RIMKLB: variants seen among roughly 807,000 people sequenced by gnomAD.
The protein encoded by RIMKLB is beta-citrylglutamate synthase B.
RIMKLB carries 7 observed loss-of-function variants against 32.0 expected under a neutral mutation model. That is an observed-to-expected ratio of 0.22 (90% CI 0.12 to 0.41). The LOEUF (loss-of-function observed/expected upper bound fraction) is 0.41, where lower values mean the gene tolerates loss of function less well. RIMKLB is among the 10% of genes least tolerant of loss of function. The pLI is 1.00. For synonymous variants in RIMKLB, 172 were observed against 185.1 expected, an observed-to-expected ratio of 0.93 and a Z score of 0.57; for missense variants, 289 against 498.7, an observed-to-expected ratio of 0.58 and a Z score of 4.00.
rs147350916 is a variant in RIMKLB, at chr12:8,728,789, TTTTGTTTG to T, written c.175+14768_175+14775del. Among the ~76,000 whole-genome samples, 51 of 131,906 alleles carry T rather than the reference TTTTGTTTG, an allele frequency of 3.9e-4. 1 individual carries two copies. In the South Asian group the frequency reaches 6.0e-3, roughly 16 times the overall value. The allele number at this position is 131,906 out of a possible 152,430, so 86.5% of individuals were successfully genotyped here. ...TGTGTGTGTGTGTGTGTGTGTGTGT[TTTTGTTTG>T]TTTGTTTGTTTGTTTGTTTTTTAAG... On this transcript the variant is annotated intron_variant, in intron 2 of 5. Transcript: ENST00000535829.
At chr12:8,710,411 G>A (rs1039874469) in intron 1 of RIMKLB, among the ~76,000 whole-genome samples, 1 of 150,424 alleles carries the variant, frequency 6.6e-6, no homozygotes, top group African/African-American at 2.5e-5. Flanking sequence ...GGGTTCAAGC[G>A]ATTATCCTGC....
downstream of RIMKLB, among the ~76,000 whole-genome samples, chr12:8,781,680 T>C (rs779665098): frequency 6.6e-6 from 1 of 152,246 alleles, no homozygotes; most frequent in African/African-American, 2.4e-5. Flanking sequence ...GTTGCCATTT[T>C]CCATCTCTGC....
At chr12:8,680,158 C>T (rs771962407), upstream of RIMKLB, among the ~76,000 whole-genome samples, 7 of 152,222 alleles carry the variant, frequency 4.6e-5, no homozygotes, top group East Asian at 5.8e-4. Flanking sequence ...AAATAAGCCA[C>T]GCCTTATTTT....
Position 8,775,223 on chromosome 12 carries a change from G to T in RIMKLB, c.*1439G>T. The T allele has an allele frequency of 1.0e-6, 1 of 985,650 alleles. No homozygotes were observed. Among genetic ancestry groups the T allele is most frequent in the Non-Finnish European group, 1.2e-6 (1 of 829,842 alleles). 61.1% of individuals were successfully genotyped at this position (985,650 alleles called of 1,614,324 possible). On this transcript the variant is annotated 3_prime_UTR_variant, in exon 6 of 6. Coordinates refer to ENST00000535829, the MANE Select transcript of RIMKLB (RefSeq NM_001297776.2). ...TTACATATAGGATTTGGGATTGGGGGTGGGTTGGATGTTTTTGTTTGGGGA... is the reference window on the plus strand; with the variant it reads ...TTACATATAGGATTTGGGATTGGGGTTGGGTTGGATGTTTTTGTTTGGGGA...
At chr12:8,739,695 A>G (rs1669936690) in intron 2 of RIMKLB, among the ~76,000 whole-genome samples, 2 of 152,078 alleles carry the variant, frequency 1.3e-5, no homozygotes, top group South Asian at 2.1e-4. Context: ...GATGATCTTG[A>G]ACTCCTTGGG....
intron 1 of RIMKLB, among the ~76,000 whole-genome samples, chr12:8,691,324 A>G (rs1023277457): frequency 6.6e-6 from 1 of 151,514 alleles, no homozygotes; most frequent in Non-Finnish European, 1.5e-5. Flanking sequence ...TGGTTTTTGT[A>G]GGGGTTGGGT....
intron 5 of RIMKLB, among the ~76,000 whole-genome samples, chr12:8,760,923 T>C (rs1267589262): frequency 2.0e-5 from 3 of 152,260 alleles, no homozygotes; most frequent in Admixed American, 1.3e-4. Flanking sequence ...TTTCTTTTGC[T>C]GTGCCATCTT....
At chr12:8,689,048 C>T (rs1942660870) in intron 1 of RIMKLB, among the ~76,000 whole-genome samples, 2 of 152,180 alleles carry the variant, frequency 1.3e-5, no homozygotes. Flanking sequence ...GTTGGCCAGG[C>T]TAGTCTCGAA....
chr12:8,670,535 G>A, the RIMKLB span, among the ~76,000 whole-genome samples: 4 of 152,234 alleles, frequency 2.6e-5, no homozygotes, highest in Non-Finnish European at 5.9e-5. Flanking sequence ...ACAAGAGGTG[G>A]GTTCCCATGG....
At chr12:8,768,373 G>A (rs1234606604) in intron 5 of RIMKLB, among the ~76,000 whole-genome samples, 8 of 152,178 alleles carry the variant, frequency 5.3e-5, no homozygotes, top group South Asian at 2.1e-4. Flanking sequence ...AGCTCGAGCC[G>A]TAACAAACAC....
chr12:8,756,424 A>C (rs1194922818), intron 5 of RIMKLB, among the ~76,000 whole-genome samples: 1 of 152,322 alleles, frequency 6.6e-6, no homozygotes, highest in East Asian at 1.9e-4. Flanking sequence ...CTATAATCAC[A>C]TGGATGAATC....
chr12:8,747,961 G>A (rs1948247856), intron 2 of RIMKLB, among the ~76,000 whole-genome samples: 1 of 152,026 alleles, frequency 6.6e-6, no homozygotes, highest in Non-Finnish European at 1.5e-5. Flanking sequence ...TCACCATGTT[G>A]GCCAGGCTGG....
Position 8,742,072 on chromosome 12 carries a change from G to T in RIMKLB, c.176-7790G>T, listed in dbSNP as rs914576462. Among the ~76,000 whole-genome samples the T allele has an allele frequency of 2.6e-5, 4 of 151,208 alleles. No homozygotes were observed. The East Asian group carries it at 5.8e-4, about 22-fold the overall frequency. ...TGCGCCACCATGCCCACCTAATTTT[G>T]TATTTATAGTAGAGATGGGGTTTCA... On this transcript the variant is annotated intron_variant, in intron 2 of 5. Coordinates refer to ENST00000535829, the MANE Select transcript of RIMKLB (RefSeq NM_001297776.2).
upstream of RIMKLB, among the ~76,000 whole-genome samples, chr12:8,694,396 C>CTTT (rs34896689): frequency 8.2e-6 from 1 of 122,474 alleles, no homozygotes; most frequent in African/African-American, 3.2e-5. Context: ...AATTTTTTTT[C>CTTT]TTTTTTTTTT....
upstream of RIMKLB, among the ~76,000 whole-genome samples, chr12:8,695,309 T>C (rs1450519093): frequency 1.3e-5 from 2 of 151,848 alleles, no homozygotes; most frequent in African/African-American, 2.4e-5. Context: ...AAAATATTTT[T>C]GAGCAGGTGT....
At chr12:8,719,098 A>AC (rs1945179134) in intron 2 of RIMKLB, among the ~76,000 whole-genome samples, 1 of 151,754 alleles carries the variant, frequency 6.6e-6, no homozygotes, top group Admixed American at 6.6e-5. Context: ...ACAACCACTG[A>AC]CCCTCTGACT....
intron 2 of RIMKLB, among the ~76,000 whole-genome samples, chr12:8,725,155 T>C (rs1051556089): frequency 1.1e-4 from 17 of 152,240 alleles, no homozygotes; most frequent in African/African-American, 3.9e-4. Context: ...CATCAGACAT[T>C]CCAGGTCCTG....
At chr12:8,765,492 GTA>G (rs1949881726) in intron 5 of RIMKLB, among the ~76,000 whole-genome samples, 1 of 152,124 alleles carries the variant, frequency 6.6e-6, no homozygotes, top group Non-Finnish European at 1.5e-5. Flanking sequence ...TGATTTAGCA[GTA>G]ACATTATATC....
intron 2 of RIMKLB, among the ~76,000 whole-genome samples, chr12:8,746,759 A>AT (rs1469747892): frequency 6.6e-6 from 1 of 151,848 alleles, no homozygotes; most frequent in African/African-American, 2.4e-5. Context: ...CCTTCAAAAA[A>AT]CTTTTTTTTT....
Sources: allele counts gnomAD v4.1 joint callset (sites outside exome capture counted in the v4.1 genomes callset), GRCh38; gene constraint gnomAD v4.1.1; transcripts MANE v1.5; gene names NCBI Gene and HGNC (gene_info 2026-07-23, HGNC 2026-07-21).